PRR5L: variants seen among roughly 807,000 people sequenced by gnomAD.
PRR5L encodes the protein proline-rich protein 5-like.
In PRR5L, 21 loss-of-function variants were observed where a neutral mutation model predicts 36.4. The ratio of observed to expected loss-of-function variants is 0.58; its 90% CI spans 0.41 to 0.83. The LOEUF (loss-of-function observed/expected upper bound fraction) is 0.83. PRR5L is among the 40% of genes least tolerant of loss of function. The pLI, the probability that PRR5L is intolerant of heterozygous loss-of-function variation, is 0.00. For synonymous variants in PRR5L, 188 were observed against 197.0 expected, an observed-to-expected ratio of 0.95 and a Z score of 0.38; for missense variants, 381 against 473.3, an observed-to-expected ratio of 0.80 and a Z score of 1.81.
At chr11:36,306,249 C>A (rs143464572) in intron 1 of PRR5L, among the ~76,000 whole-genome samples, 2,520 of 152,252 alleles carry the variant, frequency 0.017, 42 homozygotes, top group Non-Finnish European at 0.023. Context: ...CCCAGCCCCC[C>A]ATCCTGGTGT....
intron 3 of PRR5L, among the ~76,000 whole-genome samples, chr11:36,408,920 A>G (rs564966221): frequency 6.8e-4 from 103 of 152,296 alleles, no homozygotes; most frequent in Non-Finnish European, 1.3e-3. Flanking sequence ...CCATTGATTC[A>G]TTGATTTATT....
At chr11:36,460,630 A>G (rs909231170) in intron 8 of PRR5L, among the ~76,000 whole-genome samples, 14 of 152,180 alleles carry the variant, frequency 9.2e-5, no homozygotes, top group Non-Finnish European at 2.1e-4. Flanking sequence ...TTATTATGGA[A>G]TATAATACCT....
At chr11:36,374,107 T>TTC (rs1554989613) in intron 1 of PRR5L, among the ~76,000 whole-genome samples, 9,780 of 85,162 alleles carry the variant, frequency 0.11, 602 homozygotes, top group East Asian at 0.31. Flanking sequence ...CCTTCCTTCC[T>TTC]CTCTCTCTCT....
At chr11:36,341,711 A>C (rs1370535164) in intron 1 of PRR5L, among the ~76,000 whole-genome samples, 1 of 152,190 alleles carries the variant, frequency 6.6e-6, no homozygotes, top group East Asian at 1.9e-4. Flanking sequence ...TATATCAGAT[A>C]ATAATAGTGG....
intron 1 of PRR5L, among the ~76,000 whole-genome samples, chr11:36,384,318 T>G (rs1857420775): frequency 6.6e-6 from 1 of 152,214 alleles, no homozygotes; most frequent in Non-Finnish European, 1.5e-5. Flanking sequence ...GCCTCAATCT[T>G]GTCTCAGTTG....
chr11:36,395,681 C>A (rs765210292), intron 1 of PRR5L, among the ~76,000 whole-genome samples: 1 of 152,100 alleles, frequency 6.6e-6, no homozygotes, highest in African/African-American at 2.4e-5. Context: ...AGGTAACATT[C>A]TATTTCTTAA....
At chr11:36,391,949 C>T (rs991899621) in intron 1 of PRR5L, among the ~76,000 whole-genome samples, 6 of 152,144 alleles carry the variant, frequency 3.9e-5, no homozygotes, top group South Asian at 2.1e-4. Context: ...CATTTAACAT[C>T]CCCCCTTCCT....
At chr11:36,453,138 A>G (rs966017870) in intron 8 of PRR5L, among the ~76,000 whole-genome samples, 2 of 152,214 alleles carry the variant, frequency 1.3e-5, no homozygotes, top group Admixed American at 1.3e-4. Flanking sequence ...ATAAGGGTCT[A>G]AAATTGTCTT....
At chr11:36,407,455 G>T (rs1857934588) in intron 3 of PRR5L, among the ~76,000 whole-genome samples, 1 of 152,252 alleles carries the variant, frequency 6.6e-6, no homozygotes, top group African/African-American at 2.4e-5. Flanking sequence ...GAACTAGAGA[G>T]TCTGGGACAG....
At position 36,462,659 on chromosome 11, in the gene PRR5L, G is replaced by T. The variant is rs142291765; in HGVS notation, c.1030G>T (p.Asp344Tyr). The change falls in exon 9 of 9, where the codon GAC becomes TAC. Residue 344 changes from aspartate to tyrosine, a missense_variant. Coordinates refer to ENST00000530639, the MANE Select transcript of PRR5L (RefSeq NM_001160167.2). ...GTGCTCCAGTGAGCCCAACATCACTGACAACCCTGACGGACTGGAGGAGGG... is the reference window on the plus strand; with the variant it reads ...GTGCTCCAGTGAGCCCAACATCACTTACAACCCTGACGGACTGGAGGAGGG... ...RQCSSEPNIT[D>Y]NPDGLEEGAR... 1 of 1,609,898 alleles carries T rather than the reference G, an allele frequency of 6.2e-7. No homozygotes were observed. The highest frequency in any genetic ancestry group is 8.5e-7 in the Non-Finnish European group (1 of 1,178,886).
chr11:36,393,609 T>C (rs993326538), intron 1 of PRR5L, among the ~76,000 whole-genome samples: 5 of 152,338 alleles, frequency 3.3e-5, no homozygotes, highest in Middle Eastern at 3.4e-3. Context: ...AGTCAGGTAA[T>C]GTGATTCCTC....
At chr11:36,442,707 G>C (rs146258613) in intron 6 of PRR5L, among the ~76,000 whole-genome samples, 1 of 152,134 alleles carries the variant, frequency 6.6e-6, no homozygotes, top group Non-Finnish European at 1.5e-5. Flanking sequence ...AATCCCCCGG[G>C]CATGGACACA....
intron 1 of PRR5L, among the ~76,000 whole-genome samples, chr11:36,303,680 A>G (rs1856400560): frequency 1.3e-5 from 2 of 152,318 alleles, no homozygotes; most frequent in East Asian, 1.9e-4. Context: ...ATTAGCCTTG[A>G]GTGATGTGAC....
At chr11:36,304,602 C>T (rs770331994) in intron 1 of PRR5L, among the ~76,000 whole-genome samples, 1 of 152,174 alleles carries the variant, frequency 6.6e-6, no homozygotes, top group Non-Finnish European at 1.5e-5. Flanking sequence ...AGGGATAAAC[C>T]CCTGCTAGTA....
chr11:36,419,209 C>T, intron 3 of PRR5L, 46 bp from the exon 4 acceptor site: 1 of 1,586,786 alleles, frequency 6.3e-7, no homozygotes, highest in Non-Finnish European at 8.7e-7. Context: ...ATGAGCTGTA[C>T]CATCAAGGGC....
chr11:36,453,381 C>T (rs1364849107), intron 8 of PRR5L, among the ~76,000 whole-genome samples: 1 of 152,174 alleles, frequency 6.6e-6, no homozygotes, highest in Non-Finnish European at 1.5e-5. Context: ...TCAGTGAGGA[C>T]TCACTCTAAG....
chr11:36,404,556 G>C (rs1417576738), intron 3 of PRR5L, among the ~76,000 whole-genome samples: 6 of 152,070 alleles, frequency 3.9e-5, no homozygotes, highest in Non-Finnish European at 2.9e-5. Flanking sequence ...GTGAGCCACT[G>C]TGCCTGGCCT....
intron 8 of PRR5L, among the ~76,000 whole-genome samples, chr11:36,460,249 G>T (rs1432507018): frequency 6.6e-6 from 1 of 152,156 alleles, no homozygotes; most frequent in Non-Finnish European, 1.5e-5. Flanking sequence ...TCTGTCTTTA[G>T]ATAGAAACTT....
chr11:36,328,376 C>T (rs537538575), intron 1 of PRR5L, among the ~76,000 whole-genome samples: 6 of 152,016 alleles, frequency 3.9e-5, no homozygotes, highest in South Asian at 2.1e-4. Context: ...ATCATGGGGG[C>T]GCATTTACCC....
Sources: gnomAD v4.1 joint callset for allele counts (sites outside exome capture counted in the v4.1 genomes callset) on GRCh38, gnomAD v4.1.1 for gene constraint, MANE v1.5 for transcripts, NCBI Gene and HGNC (gene_info 2026-07-23, HGNC 2026-07-21) for gene names.